MASTL: variants seen among roughly 807,000 people sequenced by gnomAD.
The protein encoded by MASTL is microtubule associated serine/threonine kinase like, also known as serine/threonine-protein kinase greatwall.
In MASTL, 54 loss-of-function variants were observed where a neutral mutation model predicts 82.5. The observed-to-expected ratio is 0.65, with a 90% confidence interval of 0.53 to 0.82. MASTL has a LOEUF of 0.82. Ranked by LOEUF, MASTL falls within the 40% of genes least tolerant of loss-of-function variation. The pLI is 0.00. For missense variants in MASTL, 950 were observed against 1,047.8 expected, an observed-to-expected ratio of 0.91 and a Z score of 1.29; for synonymous variants, 323 against 368.9, an observed-to-expected ratio of 0.88 and a Z score of 1.43.
chr10:27,159,559 CT>C lies in MASTL; in HGVS notation c.325-59del. On this transcript the variant is annotated intron_variant, in intron 2 of 11. Coordinates refer to ENST00000375940, the MANE Select transcript of MASTL (RefSeq NM_001172303.3). This position sits in a 1 kb window ranked among gnomAD's most constrained non-coding sequence, Gnocchi z 4.0. ...ATATTGTAACTGTAATGCCCAAATACTAGATTTTTAAAGTAATCATATTGTT... is the reference window on the plus strand; with the variant it reads ...ATATTGTAACTGTAATGCCCAAATACAGATTTTTAAAGTAATCATATTGTT... The C allele has an allele frequency of 8.1e-7, 1 of 1,232,960 alleles. No individual in the cohort carries two copies. The highest frequency in any genetic ancestry group is 1.7e-5 in the Admixed American group (1 of 57,454). 76.4% of individuals were successfully genotyped at this position (1,232,960 alleles called of 1,614,324 possible). A position where few individuals can be genotyped will look rare whatever the true frequency, so the allele number is the denominator to read the frequency against.
rs761100543 is a variant in MASTL at position 27,170,323 on chromosome 10, G to A, written c.1364G>A (p.Cys455Tyr). Residue 455 changes from cysteine to tyrosine, a missense_variant, in exon 8 of 12, where the codon TGT (cysteine) becomes TAT (tyrosine). Coordinates refer to ENST00000375940, the MANE Select transcript of MASTL (RefSeq NM_001172303.3). ...TTTGAGTTGGTTGACTCCAGTCCTT[G>A]TAAAAAAATTATACAGAATAAAAAA... ...RNFELVDSSP[C>Y]KKIIQNKKTC... 4 of 1,613,652 alleles carry A rather than the reference G, an allele frequency of 2.5e-6. No homozygotes were observed. Among genetic ancestry groups the A allele is most frequent in the Non-Finnish European group, 3.4e-6 (4 of 1,179,766 alleles).
intron 7 of MASTL, among the ~76,000 whole-genome samples, chr10:27,169,011 C>G (rs1179734959): frequency 2.6e-5 from 4 of 151,828 alleles, no homozygotes; most frequent in Admixed American, 2.6e-4. Flanking sequence ...AGCTGAGTAC[C>G]CACAAATACC....
intron 4 of MASTL, among the ~76,000 whole-genome samples, chr10:27,162,367 CAT>C (rs778851394): frequency 1.3e-5 from 2 of 152,132 alleles, no homozygotes; most frequent in Non-Finnish European, 2.9e-5. Context: ...AACTTAGAAA[CAT>C]ATTGTATTCT....
chr10:27,185,430 C>T (rs982943024), intron 11 of MASTL, among the ~76,000 whole-genome samples: 3 of 151,358 alleles, frequency 2.0e-5, no homozygotes, highest in Non-Finnish European at 1.5e-5. Flanking sequence ...GTCGGGAGTT[C>T]GAGACCAGCC....
chr10:27,186,671 A>G lies in MASTL; in HGVS notation c.*135A>G. The G allele has an allele frequency of 3.7e-6, 3 of 814,982 alleles. No homozygotes were observed. Among genetic ancestry groups the G allele is most frequent in the South Asian group, 2.9e-5 (2 of 70,130 alleles). The allele number at this position is 814,982 out of a possible 1,614,324, so 50.5% of individuals were successfully genotyped here. On this transcript the variant is annotated 3_prime_UTR_variant, in exon 12 of 12. Transcript: ENST00000375940. ...GTTCAATGTGCTTTTAATGTACGTTACAGCTTTCACAGAGTTAAAAGGCTG... is the reference window on the plus strand; with the variant it reads ...GTTCAATGTGCTTTTAATGTACGTTGCAGCTTTCACAGAGTTAAAAGGCTG...
At position 27,187,605 on chromosome 10, in the gene MASTL, A is replaced by C. The variant is rs2058842688; in HGVS notation, c.*1069A>C. On this transcript the variant is annotated 3_prime_UTR_variant, in exon 12 of 12. Coordinates refer to ENST00000375940, the MANE Select transcript of MASTL (RefSeq NM_001172303.3). ...GGTCTCTACTAAAAATAGAAAAATT[A>C]GCCAGGTATGGTGACGCACACCTGT... Among the ~76,000 whole-genome samples, 1 of 151,978 alleles carries C rather than the reference A, an allele frequency of 6.6e-6. No homozygotes were observed. Among genetic ancestry groups the C allele is most frequent in the Admixed American group, 6.6e-5 (1 of 15,250 alleles).
chr10:27,177,040 T>A (rs1384030135), intron 9 of MASTL, among the ~76,000 whole-genome samples: 1 of 151,988 alleles, frequency 6.6e-6, no homozygotes, highest in African/African-American at 2.4e-5. Flanking sequence ...AGACGGGGTT[T>A]CACCATCATG....
At chr10:27,165,569 G>T (rs776462678) in intron 6 of MASTL, 30 bp downstream of exon 6, 2 of 1,609,868 alleles carry the variant, frequency 1.2e-6, no homozygotes, top group Non-Finnish European at 8.5e-7. Context: ...TAGGCCAGGC[G>T]CAGAGGCTTA....
At chr10:27,186,349 C>A in intron 11 of MASTL, 30 bp from the exon 12 acceptor site, 1 of 1,599,998 alleles carries the variant, frequency 6.3e-7, no homozygotes, top group South Asian at 1.1e-5. Flanking sequence ...GTAATGATAT[C>A]ATACTGTTTT....
At position 27,168,209 on chromosome 10, in the gene MASTL, G is replaced by A. The variant is rs534883311; in HGVS notation, c.984+935G>A. ...CAAATTAACGTTTAACTAAGGCAGAGTTTCTTAATCTTTTTTCCTTCTGTC... is the reference window on the plus strand; with the variant it reads ...CAAATTAACGTTTAACTAAGGCAGAATTTCTTAATCTTTTTTCCTTCTGTC... On this transcript the variant is annotated intron_variant, in intron 7 of 11. Transcript: ENST00000375940. Among the ~76,000 whole-genome samples the A allele has an allele frequency of 1.2e-4, 18 of 152,278 alleles. 1 individual carries two copies. In the South Asian group the frequency reaches 3.3e-3, roughly 28 times the overall value.
chr10:27,155,683 C>A lies in MASTL; in HGVS notation c.186+71C>A, dbSNP rs1320420089. 3 of 1,573,056 alleles carry A rather than the reference C, an allele frequency of 1.9e-6. No homozygotes were observed. In the South Asian group the frequency reaches 3.4e-5, roughly 18 times the overall value. ...CTCCTTCCTGCCCCACCGGCTTGGG[C>A]AGGCCCCGGGGTTGCTGGAGCGAGG... On this transcript the variant is annotated intron_variant, in intron 1 of 11. Coordinates refer to ENST00000375940, the MANE Select transcript of MASTL (RefSeq NM_001172303.3).
At chr10:27,186,286 T>A (rs2058742176) in intron 11 of MASTL, 93 bp from the exon 12 acceptor site, 1 of 1,248,418 alleles carries the variant, frequency 8.0e-7, no homozygotes, top group Non-Finnish European at 1.2e-6. Flanking sequence ...AGGTAAGTTA[T>A]ATGTGAGACA....
chr10:27,186,395 T>C lies in MASTL; in HGVS notation c.2499T>C (p.Pro833=). 6.2e-7 allele frequency: 1 copy of C among 1,614,164 alleles called. No individual in the cohort carries two copies. The highest frequency in any genetic ancestry group is 8.5e-7 in the Non-Finnish European group (1 of 1,180,012). ...TTTCCTAAGAGCTAAAACGTCATCC[T>C]CTCTTCAGTGATGTGGACTGGGAAA... is the stretch of plus-strand genomic sequence containing the variant. ...RAGMKELKRH[P]LFSDVDWENL... is the part of the protein sequence containing the mutation. The change falls in exon 12 of 12, where the codon CCT becomes CCC. Residue 833 remains proline, a synonymous_variant. Coordinates refer to ENST00000375940, the MANE Select transcript of MASTL (RefSeq NM_001172303.3).
intron 4 of MASTL, among the ~76,000 whole-genome samples, chr10:27,164,036 G>C (rs974143214): frequency 1.3e-5 from 2 of 151,938 alleles, no homozygotes; most frequent in Non-Finnish European, 2.9e-5. Context: ...TGCCTCCCAG[G>C]CTCAAGCGAT....
At chr10:27,156,048 A>C (rs921456584) in intron 1 of MASTL, among the ~76,000 whole-genome samples, 4 of 152,100 alleles carry the variant, frequency 2.6e-5, no homozygotes, top group African/African-American at 4.8e-5. Flanking sequence ...TCTGTTTCCC[A>C]GGCTGGAGTG....
In MASTL at chr10:27,186,451, C is replaced by T. The variant is rs1432833139; in HGVS notation, c.2555C>T (p.Pro852Leu). ...CAGCATCAGACTATGCCTTTCATCC[C>T]CCAGCCAGATGATGAAACAGATACC... ...NLQHQTMPFI[P>L]QPDDETDTSY... The change falls in exon 12 of 12, where the codon CCC becomes CTC. Residue 852 changes from proline to leucine, a missense_variant. Physicochemically the swap from Pro to Leu is moderately conservative, Grantham distance 98. Transcript: ENST00000375940. The T allele has an allele frequency of 2.5e-6, 4 of 1,613,858 alleles. No homozygotes were observed. The South Asian group carries it at 4.4e-5, about 18-fold the overall frequency.
At chr10:27,161,515 A>G (rs900974301) in intron 4 of MASTL, among the ~76,000 whole-genome samples, 1 of 147,578 alleles carries the variant, frequency 6.8e-6, no homozygotes, top group African/African-American at 2.5e-5. Context: ...TCTCAAAAAA[A>G]AAAAAGTCCA....
chr10:27,170,811 A>G lies in MASTL; in HGVS notation c.1852A>G (p.Thr618Ala). 1 of 1,614,158 alleles carries G rather than the reference A, an allele frequency of 6.2e-7. No homozygotes were observed. Among genetic ancestry groups the G allele is most frequent in the Non-Finnish European group, 8.5e-7 (1 of 1,180,016 alleles). Residue 618 changes from threonine (T) to alanine (A), a missense_variant, in exon 8 of 12, where the codon ACC becomes GCC. By Grantham distance (58) the Thr-to-Ala change is moderately conservative. Coordinates refer to ENST00000375940, the MANE Select transcript of MASTL (RefSeq NM_001172303.3). ...TGTAACACCAGATTGCCAAGAAAAG[A>G]CCTCACCAAAAGGTGTCGAGAACCC... Reference protein sequence around the residue: ...LIVTPDCQEKTSPKGVENPAV... With the variant: ...LIVTPDCQEKASPKGVENPAV...
Position 27,165,735 on chromosome 10 carries a change from C to T in MASTL, c.811+196C>T, listed in dbSNP as rs547018249. On this transcript the variant is annotated intron_variant, in intron 6 of 11. Coordinates refer to ENST00000375940, the MANE Select transcript of MASTL (RefSeq NM_001172303.3). ...GACCAGCCTGGGCAACAAAGTGAGACTTCATCTCTACAAAAATTAGCTGGG... is the reference window on the plus strand; with the variant it reads ...GACCAGCCTGGGCAACAAAGTGAGATTTCATCTCTACAAAAATTAGCTGGG... 4.0e-5 allele frequency among the ~76,000 whole-genome samples: 6 copies of T among 151,806 alleles called. No individual in the cohort carries two copies. In the South Asian group the frequency reaches 1.3e-3, roughly 32 times the overall value.
Sources: allele counts gnomAD v4.1 joint callset (sites outside exome capture counted in the v4.1 genomes callset), GRCh38; gene constraint gnomAD v4.1.1; non-coding constraint Gnocchi (gnomAD v3.1); transcripts MANE v1.5; gene names NCBI Gene and HGNC (gene_info 2026-07-23, HGNC 2026-07-21).